CSNK1G3: variants seen among roughly 807,000 people sequenced by gnomAD.
CSNK1G3 encodes the protein casein kinase 1 gamma 3.
A neutral mutation model predicts 64.3 loss-of-function variants in CSNK1G3; 23 were observed. The ratio of observed to expected loss-of-function variants is 0.36; its 90% CI spans 0.26 to 0.51. The LOEUF (loss-of-function observed/expected upper bound fraction) is 0.51. Among genes scored for constraint, CSNK1G3 ranks in the 20% least tolerant of loss-of-function variants. CSNK1G3 has a pLI of 0.96. For synonymous variants in CSNK1G3, 158 were observed against 162.2 expected (o/e 0.97, Z 0.20); for missense variants, 357 against 510.5 (o/e 0.70, Z 2.90).
chr5:123,575,918 A>G, exon 6 of CSNK1G3: 1 of 1,613,402 alleles, frequency 6.2e-7, no homozygotes, highest in Non-Finnish European at 8.5e-7. Context: ...CAAGAGCCTT[A>G]CAGGAACAGC....
At chr5:123,550,423 A>T (rs1434158589) in intron 2 of CSNK1G3, among the ~76,000 whole-genome samples, 2 of 152,218 alleles carry the variant, frequency 1.3e-5, no homozygotes, top group Non-Finnish European at 2.9e-5. Flanking sequence ...TGACATTCAG[A>T]ACTTAAGTCA....
chr5:123,515,035 T>C (rs372173745), intron 1 of CSNK1G3, among the ~76,000 whole-genome samples: 1 of 152,170 alleles, frequency 6.6e-6, no homozygotes, highest in Non-Finnish European at 1.5e-5. Flanking sequence ...CAGAAAAGTA[T>C]ATAATCCAAA....
Position 123,535,951 on chromosome 5 carries a change from A to G in CSNK1G3, c.-247-9466A>G, listed in dbSNP as rs189818493. On this transcript the variant is annotated intron_variant, in intron 1 of 12. Transcript: ENST00000345990. ...TTGTTTCTTCATTCTTCTTTCTTGC[A>G]TTCTCCCATTCATTAGCTGCCCCTT... Among the ~76,000 whole-genome samples the G allele has an allele frequency of 1.2e-4, 18 of 152,134 alleles. No individual in the cohort carries two copies. The East Asian group carries it at 3.3e-3, about 28-fold the overall frequency.
chr5:123,570,389 TG>T (rs1787857367), intron 4 of CSNK1G3, among the ~76,000 whole-genome samples: 1 of 149,728 alleles, frequency 6.7e-6, no homozygotes, highest in Non-Finnish European at 1.5e-5. Context: ...AGTCTTGCTG[TG>T]TCAGCCAGGC....
intron 1 of CSNK1G3, among the ~76,000 whole-genome samples, chr5:123,541,378 A>C (rs1004287276): frequency 6.6e-6 from 1 of 152,130 alleles, no homozygotes. Context: ...CTATTTACAC[A>C]GTATATCTTT....
At chr5:123,601,114 C>G (rs778238667) in intron 10 of CSNK1G3, among the ~76,000 whole-genome samples, 2 of 151,906 alleles carry the variant, frequency 1.3e-5, no homozygotes, top group African/African-American at 4.8e-5. Context: ...GACTCATCTT[C>G]TAGTTCAAGT....
At chr5:123,595,969 T>C (rs1793369323) in intron 10 of CSNK1G3, among the ~76,000 whole-genome samples, 1 of 152,082 alleles carries the variant, frequency 6.6e-6, no homozygotes, top group Non-Finnish European at 1.5e-5. Context: ...GAATTTTTTT[T>C]ACATTTTCAT....
At chr5:123,562,697 G>A (rs1168308470) in intron 4 of CSNK1G3, among the ~76,000 whole-genome samples, 1 of 151,782 alleles carries the variant, frequency 6.6e-6, no homozygotes, top group Non-Finnish European at 1.5e-5. Flanking sequence ...CTATGATTAG[G>A]TAAATTTATT....
At chr5:123,611,217 C>G (rs898662438) in intron 12 of CSNK1G3, among the ~76,000 whole-genome samples, 3 of 152,148 alleles carry the variant, frequency 2.0e-5, no homozygotes, top group African/African-American at 4.8e-5. Flanking sequence ...TACTTCCTAA[C>G]TTCTGTAAGT....
chr5:123,590,066 T>A (rs1792064230), intron 8 of CSNK1G3, among the ~76,000 whole-genome samples: 1 of 152,138 alleles, frequency 6.6e-6, no homozygotes, highest in Non-Finnish European at 1.5e-5. Context: ...CTGAATATGA[T>A]GCTTTGTGAT....
intron 10 of CSNK1G3, 33 bp downstream of exon 10, chr5:123,591,447 T>C (rs771769906): frequency 2.8e-6 from 4 of 1,415,452 alleles, no homozygotes; most frequent in Non-Finnish European, 3.9e-6. Flanking sequence ...AATACCTTCC[T>C]TTCATGATTG....
intron 10 of CSNK1G3, among the ~76,000 whole-genome samples, chr5:123,593,138 G>T (rs932246578): frequency 6.6e-6 from 1 of 151,360 alleles, no homozygotes; most frequent in African/African-American, 2.4e-5. Context: ...CTCACTGAGG[G>T]TAGGAACCAT....
At chr5:123,548,570 T>C (rs1022139304) in intron 2 of CSNK1G3, among the ~76,000 whole-genome samples, 1 of 152,060 alleles carries the variant, frequency 6.6e-6, no homozygotes, top group African/African-American at 2.4e-5. Flanking sequence ...TACGTGTGTT[T>C]ATCATTTTTA....
chr5:123,563,431 C>G (rs574793376), intron 4 of CSNK1G3, among the ~76,000 whole-genome samples: 49 of 152,142 alleles, frequency 3.2e-4, no homozygotes, highest in African/African-American at 1.2e-3. Context: ...GCTGATCCTT[C>G]TGCCTTCTTG....
intron 3 of CSNK1G3, among the ~76,000 whole-genome samples, chr5:123,555,584 A>T (rs917259955): frequency 2.0e-5 from 3 of 152,162 alleles, no homozygotes; most frequent in Non-Finnish European, 4.4e-5. Context: ...ACATTTATCT[A>T]ATATTACCCT....
chr5:123,527,216 T>C (rs1245014678), intron 1 of CSNK1G3, among the ~76,000 whole-genome samples: 1 of 152,192 alleles, frequency 6.6e-6, no homozygotes, highest in African/African-American at 2.4e-5. Flanking sequence ...GCAATCTTCA[T>C]TGTGTTCTGG....
At chr5:123,591,491 G>C (rs2150985140) in intron 10 of CSNK1G3, 77 bp downstream of exon 10, 2 of 782,810 alleles carry the variant, frequency 2.6e-6, no homozygotes, top group East Asian at 5.9e-5. Flanking sequence ...AGATAAAACA[G>C]ACTGAAGGAT....
At chr5:123,575,891 A>G (rs1202546751) in exon 6 of CSNK1G3, 7 of 1,613,536 alleles carry the variant, frequency 4.3e-6, no homozygotes, top group African/African-American at 1.3e-5. Context: ...AAAGAAACAC[A>G]TACCATACAG....
intron 2 of CSNK1G3, among the ~76,000 whole-genome samples, chr5:123,552,078 T>A (rs935801042): frequency 6.6e-6 from 1 of 152,226 alleles, no homozygotes; most frequent in South Asian, 2.1e-4. Flanking sequence ...AAGTTAGTGA[T>A]ATTAAATCTC....
Sources: gnomAD v4.1 joint callset for allele counts (sites outside exome capture counted in the v4.1 genomes callset) on GRCh38, gnomAD v4.1.1 for gene constraint, MANE v1.5 for transcripts, NCBI Gene and HGNC (gene_info 2026-07-23, HGNC 2026-07-21) for gene names.